GRIK2: variants seen among roughly 807,000 people sequenced by gnomAD.
GRIK2 encodes the protein glutamate receptor ionotropic, kainate 2.
In GRIK2, 32 loss-of-function variants were observed where a neutral mutation model predicts 100.3. The ratio of observed to expected loss-of-function variants is 0.32; its 90% CI spans 0.24 to 0.43. The LOEUF is 0.43. Ranked by LOEUF, GRIK2 falls within the 20% of genes least tolerant of loss-of-function variation. The pLI is 1.00. For missense variants in GRIK2, 843 were observed against 1,114.9 expected (o/e 0.76, Z 3.47); for synonymous variants, 417 against 389.4 (o/e 1.07, Z -0.83).
At chr6:101,927,875 C>G (rs775312405) in intron 13 of GRIK2, 3 of 153,844 alleles carry the variant, frequency 2.0e-5, no homozygotes, top group South Asian at 4.0e-4. Flanking sequence ...ACTAAAACCC[C>G]ACATCATTTC....
intron 12 of GRIK2, among the ~76,000 whole-genome samples, chr6:101,897,918 A>T (rs1160918906): frequency 6.6e-6 from 1 of 151,834 alleles, no homozygotes; most frequent in Non-Finnish European, 1.5e-5. Flanking sequence ...GCTGTAAATT[A>T]TTTGGGGTAA....
intron 4 of GRIK2, among the ~76,000 whole-genome samples, chr6:101,669,756 G>A (rs1428136689): frequency 1.3e-5 from 2 of 152,090 alleles, no homozygotes; most frequent in African/African-American, 2.4e-5. Flanking sequence ...AAAATGGGTG[G>A]ATAAACATCT....
chr6:101,759,883 AT>A (rs1328289273), intron 7 of GRIK2, among the ~76,000 whole-genome samples: 8 of 134,154 alleles, frequency 6.0e-5, no homozygotes, highest in Middle Eastern at 3.8e-3. Context: ...TTTTATTTTT[AT>A]TTTTTTTTGA....
At chr6:102,066,587 A>G (rs925274781) in intron 16 of GRIK2, among the ~76,000 whole-genome samples, 8 of 151,540 alleles carry the variant, frequency 5.3e-5, no homozygotes, top group African/African-American at 1.9e-4. Context: ...GTGAAAGATG[A>G]AAGAACTCAG....
At chr6:101,685,664 CA>C (rs1233093161) in intron 6 of GRIK2, among the ~76,000 whole-genome samples, 1 of 151,916 alleles carries the variant, frequency 6.6e-6, no homozygotes, top group African/African-American at 2.4e-5. Context: ...TTTCTGCAAC[CA>C]AAAAGGCTAG....
chr6:101,828,027 A>C (rs1562420213), intron 10 of GRIK2, among the ~76,000 whole-genome samples: 1 of 151,954 alleles, frequency 6.6e-6, no homozygotes, highest in Non-Finnish European at 1.5e-5. Context: ...CACAAACTTC[A>C]TCATAAAGCA....
chr6:101,735,027 G>A (rs1775541077), intron 7 of GRIK2, among the ~76,000 whole-genome samples: 1 of 152,124 alleles, frequency 6.6e-6, no homozygotes, highest in Non-Finnish European at 1.5e-5. Context: ...GTGGCCAGTG[G>A]CTAGATTTAG....
In GRIK2 at chr6:101,732,157, C is replaced by T. The variant is rs565320870; in HGVS notation, c.951+45804C>T. ...ATAATTGCTTTATATTTTGGTTATT[C>T]CTTTTACATCAAACTTAATATTTCA... On this transcript the variant is annotated intron_variant, in intron 7 of 16. Transcript: ENST00000369134. Among the ~76,000 whole-genome samples, 5 of 151,734 alleles carry T rather than the reference C, an allele frequency of 3.3e-5. No homozygotes were observed. The South Asian group carries it at 1.0e-3, about 32-fold the overall frequency.
At chr6:101,521,426 A>G (rs989615861) in intron 2 of GRIK2, among the ~76,000 whole-genome samples, 1 of 151,936 alleles carries the variant, frequency 6.6e-6, no homozygotes, top group Non-Finnish European at 1.5e-5. Flanking sequence ...TTGTTTCAGA[A>G]ATTAACCATT....
intron 10 of GRIK2, among the ~76,000 whole-genome samples, chr6:101,845,305 C>A (rs1473777846): frequency 6.6e-6 from 1 of 152,110 alleles, no homozygotes; most frequent in Non-Finnish European, 1.5e-5. Flanking sequence ...CTACTGTGCC[C>A]AGCCTTGCAT....
At position 101,806,017 on chromosome 6, in the gene GRIK2, C is replaced by A. The variant is rs1780982964; in HGVS notation, c.1203+3579C>A. Among the ~76,000 whole-genome samples the A allele has an allele frequency of 3.3e-5, 5 of 152,072 alleles. No individual in the cohort carries two copies. In the South Asian group the frequency reaches 1.0e-3, roughly 32 times the overall value. ...CTTTCTACTCTATTATAACAGAAGC[C>A]TTAATTGGAACCCAGCCCAATTCAC... On this transcript the variant is annotated intron_variant, in intron 9 of 16. Transcript: ENST00000369134.
At chr6:101,618,730 A>G (rs970757845) in intron 2 of GRIK2, among the ~76,000 whole-genome samples, 1 of 151,512 alleles carries the variant, frequency 6.6e-6, no homozygotes, top group Non-Finnish European at 1.5e-5. Context: ...AATCCTTTCA[A>G]TTTTGGTATT....
intron 7 of GRIK2, among the ~76,000 whole-genome samples, chr6:101,775,922 G>A (rs956906620): frequency 1.3e-5 from 2 of 151,772 alleles, no homozygotes; most frequent in Non-Finnish European, 2.9e-5. Context: ...TATTTTTAAA[G>A]GTATTTCATC....
intron 15 of GRIK2, among the ~76,000 whole-genome samples, chr6:102,051,251 CCCTT>C (rs369459574): frequency 0.18 from 21,534 of 120,452 alleles, 1,951 homozygotes; most frequent in South Asian, 0.25. Flanking sequence ...TTCCCTCCCT[CCCTT>C]CCTTCCTTCC....
At chr6:102,046,065 A>T (rs1200036563) in intron 15 of GRIK2, among the ~76,000 whole-genome samples, 2 of 152,118 alleles carry the variant, frequency 1.3e-5, no homozygotes, top group Non-Finnish European at 2.9e-5. Flanking sequence ...TTAGAGTTCA[A>T]GTGAAAAACA....
At chr6:102,050,073 AATAAG>A (rs1007948373) in intron 15 of GRIK2, among the ~76,000 whole-genome samples, 2 of 152,158 alleles carry the variant, frequency 1.3e-5, no homozygotes, top group African/African-American at 2.4e-5. Context: ...GACGTAATGA[AATAAG>A]ATAAAGAGAA....
intron 2 of GRIK2, among the ~76,000 whole-genome samples, chr6:101,532,290 A>G (rs1302562492): frequency 2.0e-5 from 3 of 151,924 alleles, no homozygotes; most frequent in Non-Finnish European, 4.4e-5. Flanking sequence ...AAGCTCAGTT[A>G]ACATTCTTAT....
intron 2 of GRIK2, among the ~76,000 whole-genome samples, chr6:101,579,369 C>G (rs1413340292): frequency 6.6e-6 from 1 of 152,074 alleles, no homozygotes; most frequent in Non-Finnish European, 1.5e-5. Flanking sequence ...TTCCAAAATG[C>G]TCTGCAGACA....
chr6:101,657,422 T>C (rs1473961276), intron 4 of GRIK2, among the ~76,000 whole-genome samples: 1 of 152,146 alleles, frequency 6.6e-6, no homozygotes, highest in Non-Finnish European at 1.5e-5. Context: ...TTAAACCTCT[T>C]TCCTTTATAA....
Sources: gnomAD v4.1 joint callset for allele counts (sites outside exome capture counted in the v4.1 genomes callset) on GRCh38, gnomAD v4.1.1 for gene constraint, MANE v1.5 for transcripts, NCBI Gene and HGNC (gene_info 2026-07-23, HGNC 2026-07-21) for gene names.